The following NSUN4 variants were observed in gnomAD, a reference collection of about 807,000 sequenced individuals.
NSUN4 encodes NOP2/Sun RNA methyltransferase 4.
A neutral mutation model predicts 43.8 loss-of-function variants in NSUN4; 31 were observed. That is an observed-to-expected ratio of 0.71 (90% CI 0.53 to 0.96). The LOEUF (loss-of-function observed/expected upper bound fraction) is 0.96. Among genes scored for constraint, NSUN4 ranks in the 40% least tolerant of loss-of-function variants. The probability of loss-of-function intolerance (pLI) is 0.00; values close to 1 mark genes in which losing one functional copy is unlikely to be tolerated. For missense variants in NSUN4, 439 were observed against 475.6 expected (o/e 0.92, Z 0.72); for synonymous variants, 167 against 184.1 (o/e 0.91, Z 0.75).
At chr1:46,380,098 C>T in the NSUN4 span, among the ~76,000 whole-genome samples, 1 of 152,128 alleles carries the variant, frequency 6.6e-6, no homozygotes, top group Non-Finnish European at 1.5e-5. Context: ...GCATTTACTG[C>T]TCCCATCCCT....
At chr1:46,341,864 A>G in intron 1 of NSUN4, 1 of 1,232,894 alleles carries the variant, frequency 8.1e-7, no homozygotes, top group Non-Finnish European at 1.0e-6. Flanking sequence ...CCTGTCTTCA[A>G]GGCACGTACT....
At chr1:46,383,056 C>A in the NSUN4 span, among the ~76,000 whole-genome samples, 1 of 152,216 alleles carries the variant, frequency 6.6e-6, no homozygotes, top group Admixed American at 6.5e-5. Flanking sequence ...TCCCCAGACT[C>A]CCCCTGGTCT....
downstream of NSUN4, among the ~76,000 whole-genome samples, chr1:46,369,569 CT>C (rs1216350441): frequency 6.6e-6 from 1 of 152,086 alleles, no homozygotes; most frequent in Non-Finnish European, 1.5e-5. Flanking sequence ...CTAACCTCGC[CT>C]GGAGGAAGAG....
the NSUN4 span, among the ~76,000 whole-genome samples, chr1:46,383,435 CTTG>C: frequency 6.9e-6 from 1 of 144,172 alleles, no homozygotes; most frequent in Non-Finnish European, 1.5e-5. Flanking sequence ...TGCTCCTGAT[CTTG>C]TTGGCTGGTG....
In NSUN4 at chr1:46,363,633, T is replaced by C. The variant is rs1664010649; in HGVS notation, c.*1787T>C. ...GATAAATCCTAGAGAAACTCATACATGTACACCAGGAGATGTGTACAAGAA... is the reference window on the plus strand; with the variant it reads ...GATAAATCCTAGAGAAACTCATACACGTACACCAGGAGATGTGTACAAGAA... On this transcript the variant is annotated 3_prime_UTR_variant, in exon 6 of 6. Transcript: ENST00000474844. 1 of 152,564 alleles carries C rather than the reference T, an allele frequency of 6.6e-6. No individual in the cohort carries two copies. Among genetic ancestry groups the C allele is most frequent in the Non-Finnish European group, 1.5e-5 (1 of 68,044 alleles). 9.5% of individuals were successfully genotyped at this position (152,564 alleles called of 1,614,324 possible).
rs1663984907 is a variant in NSUN4 at position 46,363,128 on chromosome 1, C to T, written c.*1282C>T. 1 of 151,934 alleles carries T rather than the reference C, an allele frequency of 6.6e-6. No homozygotes were observed. The highest frequency in any genetic ancestry group is 1.5e-5 in the Non-Finnish European group (1 of 68,006). The allele number at this position is 151,934 out of a possible 1,614,324, so 9.4% of individuals were successfully genotyped here. On this transcript the variant is annotated 3_prime_UTR_variant, in exon 6 of 6. Coordinates refer to ENST00000474844, the MANE Select transcript of NSUN4 (RefSeq NM_199044.4). ...GTCCCTTCTGTCTTTCCTGCTCATCCTTATTTGGGTATTAGAGGTGTCAGT... is the reference window on the plus strand; with the variant it reads ...GTCCCTTCTGTCTTTCCTGCTCATCTTTATTTGGGTATTAGAGGTGTCAGT...
At chr1:46,383,577 T>C in the NSUN4 span, among the ~76,000 whole-genome samples, 1 of 147,960 alleles carries the variant, frequency 6.8e-6, no homozygotes, top group Non-Finnish European at 1.5e-5. Flanking sequence ...TGCCTCAGCC[T>C]CCCGAGTAGC....
chr1:46,340,864 T>G lies in NSUN4; in HGVS notation c.38T>G (p.Leu13Arg). The G allele has an allele frequency of 6.2e-7, 1 of 1,613,534 alleles. No homozygotes were observed. The highest frequency in any genetic ancestry group is 8.5e-7 in the Non-Finnish European group (1 of 1,179,738). Residue 13 changes from leucine (L) to arginine (R), a missense_variant, in exon 1 of 6, where the codon CTG becomes CGG. Coordinates refer to ENST00000474844, the MANE Select transcript of NSUN4 (RefSeq NM_199044.4). The part of the protein sequence containing the change: ...ALTLRGVREL[L>R]KRVDLATVPR... The stretch of plus-strand genomic sequence containing the variant: ...ACACTGAGGGGTGTCCGGGAGCTGC[T>G]GAAGCGTGTGGACCTCGCGACGGTC...
the NSUN4 span, among the ~76,000 whole-genome samples, chr1:46,382,732 G>A: frequency 4.3e-4 from 66 of 151,950 alleles, no homozygotes; most frequent in African/African-American, 1.3e-3. Context: ...CTCCCAAGTA[G>A]CTGGGATTAC....
At chr1:46,348,484 G>A (rs1476841661) in intron 3 of NSUN4, among the ~76,000 whole-genome samples, 4 of 151,968 alleles carry the variant, frequency 2.6e-5, no homozygotes, top group East Asian at 2.0e-4. Flanking sequence ...AGGCTGAGGC[G>A]GGTGGATCAC....
the NSUN4 span, among the ~76,000 whole-genome samples, chr1:46,372,930 A>G: frequency 7.9e-5 from 12 of 152,150 alleles, no homozygotes; most frequent in East Asian, 3.9e-4. Flanking sequence ...CATGTTGGCC[A>G]GGTTGGTCTC....
At chr1:46,378,160 A>T in the NSUN4 span, among the ~76,000 whole-genome samples, 2 of 151,560 alleles carry the variant, frequency 1.3e-5, no homozygotes, top group Non-Finnish European at 2.9e-5. Context: ...CCAAAGTGCT[A>T]GGATTACAGG....
At chr1:46,341,502 A>G (rs1208487928) in intron 1 of NSUN4, 8 of 1,046,842 alleles carry the variant, frequency 7.6e-6, no homozygotes, top group Non-Finnish European at 9.2e-6. Flanking sequence ...CAAAAGGTGC[A>G]ACGAATCCTC....
At chr1:46,376,215 C>T in the NSUN4 span, among the ~76,000 whole-genome samples, 1 of 150,748 alleles carries the variant, frequency 6.6e-6, no homozygotes, top group African/African-American at 2.4e-5. Flanking sequence ...TGAGATCAGC[C>T]TGGTGAACAT....
intron 3 of NSUN4, among the ~76,000 whole-genome samples, chr1:46,349,900 A>C (rs1662854984): frequency 6.6e-6 from 1 of 152,212 alleles, no homozygotes. Flanking sequence ...AGGAGGAGGA[A>C]GAAGGGCAAA....
chr1:46,341,605 G>C, intron 1 of NSUN4: 4 of 1,208,208 alleles, frequency 3.3e-6, no homozygotes, highest in Non-Finnish European at 4.1e-6. Context: ...ACGCCCCCCT[G>C]CCCACCCCAG....
chr1:46,367,206 T>G (rs1664157500), downstream of NSUN4, among the ~76,000 whole-genome samples: 1 of 152,106 alleles, frequency 6.6e-6, no homozygotes, highest in South Asian at 2.1e-4. Flanking sequence ...CAATCTGCCC[T>G]TCTTCCCATC....
At chr1:46,354,118 T>C (rs1439411800) in intron 4 of NSUN4, among the ~76,000 whole-genome samples, 1 of 152,130 alleles carries the variant, frequency 6.6e-6, no homozygotes, top group Non-Finnish European at 1.5e-5. Context: ...AAGTTTTTTT[T>C]TTTTGAGTGG....
chr1:46,376,403 T>C, the NSUN4 span, among the ~76,000 whole-genome samples: 1 of 141,198 alleles, frequency 7.1e-6, no homozygotes, highest in East Asian at 1.9e-4. Context: ...AGAAGGACCC[T>C]GCATAAAAAA....
Sources: gnomAD v4.1 joint callset for allele counts (sites outside exome capture counted in the v4.1 genomes callset) on GRCh38, gnomAD v4.1.1 for gene constraint, MANE v1.5 for transcripts, NCBI Gene and HGNC (gene_info 2026-07-23, HGNC 2026-07-21) for gene names.